SMIM14: variants seen among roughly 807,000 people sequenced by gnomAD.
The protein encoded by SMIM14 is chromosome 4 open reading frame 34.
A neutral mutation model predicts 12.6 loss-of-function variants in SMIM14; 5 were observed. The observed-to-expected ratio is 0.40, with a 90% CI of 0.21 to 0.83. SMIM14 has a LOEUF of 0.83. Among genes scored for constraint, SMIM14 ranks in the 40% least tolerant of loss-of-function variants. SMIM14 has a pLI of 0.37. For missense variants in SMIM14, 86 were observed against 119.1 expected (o/e 0.72, Z 1.29); for synonymous variants, 30 against 40.1 (o/e 0.75, Z 0.95).
Position 39,564,294 on chromosome 4 carries a change from A to T in SMIM14, c.125-7724T>A, listed in dbSNP as rs76178727. On this transcript the variant is annotated intron_variant, in intron 3 of 4. Transcript: ENST00000295958. The stretch of plus-strand genomic sequence containing the variant: ...TAATTACATTATCCTAAGCACAGCT[A>T]CCAGTTTTCAAGCTGAGTCAAGGGT... 5.1e-3 allele frequency among the ~76,000 whole-genome samples: 774 copies of T among 152,332 alleles called. 5 individuals carry two copies. The highest frequency in any genetic ancestry group is 0.018 in the African/African-American group (729 of 41,582).
At chr4:39,556,369 C>G in intron 4 of SMIM14, 59 bp downstream of exon 4, 1 of 1,523,464 alleles carries the variant, frequency 6.6e-7, no homozygotes, top group Non-Finnish European at 8.8e-7. Context: ...AAGTCCTTCC[C>G]TGCCCCAGGC....
At chr4:39,611,431 G>A (rs546366119) in intron 1 of SMIM14, among the ~76,000 whole-genome samples, 5 of 151,970 alleles carry the variant, frequency 3.3e-5, no homozygotes, top group South Asian at 2.1e-4. Context: ...GCTTGAACTC[G>A]GGGGGTGGAG....
intron 1 of SMIM14, among the ~76,000 whole-genome samples, chr4:39,627,182 C>T: frequency 6.6e-6 from 1 of 152,096 alleles, no homozygotes; most frequent in Middle Eastern, 3.2e-3. Context: ...GATGGCTCCA[C>T]CCTCATGACT....
chr4:39,617,652 T>C (rs1172625521), intron 1 of SMIM14, among the ~76,000 whole-genome samples: 1 of 152,220 alleles, frequency 6.6e-6, no homozygotes, highest in Non-Finnish European at 1.5e-5. Flanking sequence ...AAACAGGCCC[T>C]ATCATGGATA....
intron 1 of SMIM14, among the ~76,000 whole-genome samples, chr4:39,611,606 G>C (rs1218257139): frequency 1.3e-5 from 2 of 151,928 alleles, no homozygotes; most frequent in Admixed American, 1.3e-4. Context: ...CCCAGGAGGT[G>C]GAGGTTATAG....
Position 39,549,080 on chromosome 4 carries a change from A to C in SMIM14, c.*3046T>G, listed in dbSNP as rs1393837810. The C allele has an allele frequency of 6.6e-6, 1 of 152,092 alleles. No homozygotes were observed. Among genetic ancestry groups the C allele is most frequent in the Non-Finnish European group, 1.5e-5 (1 of 68,050 alleles). 9.4% of individuals were successfully genotyped at this position (152,092 alleles called of 1,614,324 possible). ...CGTGGTGGTGGGCACTTATAATCCC[A>C]GCTACTCAGGAGGCTGAGGAAGGAG... On this transcript the variant is annotated 3_prime_UTR_variant, in exon 5 of 5. Transcript: ENST00000295958.
intron 2 of SMIM14, among the ~76,000 whole-genome samples, chr4:39,575,089 T>G (rs1713103018): frequency 6.6e-6 from 1 of 150,930 alleles, no homozygotes. Context: ...GTTTTTTTTT[T>G]TTTTTTTTTT....
At chr4:39,577,074 T>TATATTTGAATATAAAC (rs147519178) in intron 2 of SMIM14, among the ~76,000 whole-genome samples, 2 of 151,716 alleles carry the variant, frequency 1.3e-5, no homozygotes, top group African/African-American at 4.8e-5. Flanking sequence ...TAATATTTGA[T>TATATTTGAATATAAAC]ATATTTTAAC....
intron 1 of SMIM14, chr4:39,621,125 A>G (rs1031323691): frequency 6.6e-6 from 1 of 152,198 alleles, no homozygotes; most frequent in Non-Finnish European, 1.5e-5. Context: ...GAGGAAAAAA[A>G]TCAGCAATTC....
intron 2 of SMIM14, chr4:39,593,726 A>G (rs1039878049): frequency 1.3e-5 from 2 of 151,568 alleles, no homozygotes; most frequent in Non-Finnish European, 3.0e-5. Context: ...AAATCAATGT[A>G]CAAAAATCAC....
chr4:39,580,105 A>T (rs1205730750), intron 2 of SMIM14, among the ~76,000 whole-genome samples: 1 of 152,198 alleles, frequency 6.6e-6, no homozygotes, highest in African/African-American at 2.4e-5. Flanking sequence ...CTTCTTTCTC[A>T]TTCAACAGAG....
intron 4 of SMIM14, among the ~76,000 whole-genome samples, chr4:39,552,397 A>C (rs9684752): frequency 0.022 from 3,323 of 152,132 alleles, 60 homozygotes; most frequent in Non-Finnish European, 0.035. Flanking sequence ...ATTTTCCACC[A>C]TTTGTCTCAT....
rs1023033966 is a variant in SMIM14, at chr4:39,572,594, G to T, written c.76-131C>A. On this transcript the variant is annotated intron_variant, in intron 2 of 4. Transcript: ENST00000295958. ...ATCCCACACTTTGGAGGCTGAGGTGGGTGGATTGTTTGAGCTCAGACATTC... is the reference window on the plus strand; with the variant it reads ...ATCCCACACTTTGGAGGCTGAGGTGTGTGGATTGTTTGAGCTCAGACATTC... 3.0e-5 allele frequency: 21 copies of T among 693,374 alleles called. No individual in the cohort carries two copies. The Admixed American group carries it at 4.7e-4, about 15-fold the overall frequency. The allele number at this position is 693,374 out of a possible 1,614,324, so 43.0% of individuals were successfully genotyped here. A position where few individuals can be genotyped will look rare whatever the true frequency, so the allele number is the denominator to read the frequency against.
intron 1 of SMIM14, among the ~76,000 whole-genome samples, chr4:39,622,887 C>T (rs1183781931): frequency 1.3e-5 from 2 of 152,122 alleles, no homozygotes; most frequent in Non-Finnish European, 2.9e-5. Flanking sequence ...TTGGATGCAG[C>T]AGCTAAATCC....
chr4:39,609,043 C>A (rs1454243198), intron 1 of SMIM14, among the ~76,000 whole-genome samples: 1 of 152,134 alleles, frequency 6.6e-6, no homozygotes, highest in Non-Finnish European at 1.5e-5. Context: ...GTGTCATGAT[C>A]TCGGCTCACT....
intron 2 of SMIM14, among the ~76,000 whole-genome samples, chr4:39,585,978 CG>C (rs542103227): frequency 6.6e-5 from 10 of 152,106 alleles, no homozygotes; most frequent in Non-Finnish European, 5.9e-5. Flanking sequence ...AATAGCTCTA[CG>C]GTCTTGTCCT....
At chr4:39,588,269 T>C (rs1237337821) in intron 2 of SMIM14, among the ~76,000 whole-genome samples, 2 of 151,916 alleles carry the variant, frequency 1.3e-5, no homozygotes, top group African/African-American at 2.4e-5. Flanking sequence ...CGGCTGAGGG[T>C]GGTGGCTCAC....
intron 1 of SMIM14, among the ~76,000 whole-genome samples, chr4:39,632,157 T>G (rs937216497): frequency 1.3e-5 from 2 of 151,832 alleles, no homozygotes; most frequent in African/African-American, 4.8e-5. Flanking sequence ...AATGGAAAAA[T>G]GCAGGTACTT....
chr4:39,572,511 T>C lies in SMIM14; in HGVS notation c.76-48A>G, dbSNP rs535826625. Reference sequence around the variant, plus strand: ...GTTAGTGATTAGACTTAAACAAAAGTGGACCATAATTATTAGAAAGATCAT... The same window carrying C: ...GTTAGTGATTAGACTTAAACAAAAGCGGACCATAATTATTAGAAAGATCAT... On this transcript the variant is annotated intron_variant, in intron 2 of 4. Coordinates refer to ENST00000295958, the MANE Select transcript of SMIM14 (RefSeq NM_174921.3). The C allele has an allele frequency of 2.7e-6, 4 of 1,467,566 alleles. No homozygotes were observed. The South Asian group carries it at 3.4e-5, about 13-fold the overall frequency. The allele number at this position is 1,467,566 out of a possible 1,614,324, so 90.9% of individuals were successfully genotyped here.
Sources: allele counts gnomAD v4.1 joint callset (sites outside exome capture counted in the v4.1 genomes callset), GRCh38; gene constraint gnomAD v4.1.1; transcripts MANE v1.5; gene names NCBI Gene and HGNC (gene_info 2026-07-23, HGNC 2026-07-21).